VPS13A: variants seen among roughly 807,000 people sequenced by gnomAD.
VPS13A encodes the protein vacuolar protein sorting 13 homolog A.
A neutral mutation model predicts 390.9 loss-of-function variants in VPS13A; 264 were observed. That is an observed-to-expected ratio of 0.68 (90% confidence interval 0.61 to 0.75). VPS13A has a LOEUF of 0.75. VPS13A is among the 30% of genes least tolerant of loss of function. The pLI is 0.00. For synonymous variants in VPS13A, 1,231 were observed against 1,227.1 expected (o/e 1.00, Z -0.07); for missense variants, 3,409 against 3,733.9 (o/e 0.91, Z 2.27).
intron 34 of VPS13A, among the ~76,000 whole-genome samples, chr9:77,307,041 G>T (rs1021795553): frequency 6.6e-6 from 1 of 151,788 alleles, no homozygotes; most frequent in African/African-American, 2.4e-5. Flanking sequence ...TGAGTAGCTG[G>T]GATTACAGGT....
chr9:77,373,327 C>T (rs1436181816), intron 67 of VPS13A, among the ~76,000 whole-genome samples: 21 of 146,162 alleles, frequency 1.4e-4, no homozygotes, highest in East Asian at 1.0e-3. Context: ...TCAGAAATAA[C>T]GCCGCATATC....
Position 77,295,623 on chromosome 9 carries a change from G to A in VPS13A, c.3589G>A (p.Val1197Ile). The A allele has an allele frequency of 1.9e-6, 3 of 1,614,028 alleles. No individual in the cohort carries two copies. Among genetic ancestry groups the A allele is most frequent in the South Asian group, 2.2e-5 (2 of 91,076 alleles). Residue 1197 changes from valine (V) to isoleucine (I), a missense_variant, in exon 33 of 72, where the codon GTA becomes ATA. By Grantham distance (29) the Val-to-Ile change is conservative. Around this residue, in one of 5 missense-constraint regions of VPS13A, gnomAD observed 2,717 missense variants for 2,917.4 expected, o/e 0.93. Coordinates refer to ENST00000360280, the MANE Select transcript of VPS13A (RefSeq NM_033305.3). ...GGCAGCTGGAATGGCTGCTACTGGT[G>A]TAAAAGAACTCGCACAAAGGAGTTC... is the stretch of plus-strand genomic sequence containing the variant. ...VQAAGMAATGVKELAQRSSRM... is the reference protein window; with the variant it reads ...VQAAGMAATGIKELAQRSSRM...
intron 62 of VPS13A, 145 bp from the exon 63 acceptor site, chr9:77,369,154 G>T (rs1188787844): frequency 8.9e-6 from 6 of 673,394 alleles, no homozygotes; most frequent in Non-Finnish European, 1.6e-5. Flanking sequence ...AAAAAGAGTA[G>T]TGATTAATAA....
chr9:77,276,250 AAATT>A, intron 26 of VPS13A, 29 bp downstream of exon 26: 1 of 1,529,548 alleles, frequency 6.5e-7, no homozygotes, highest in Non-Finnish European at 8.8e-7. Flanking sequence ...TAAAATAAAT[AAATT>A]AATTTCATTG....
chr9:77,332,799 A>G (rs939408164), intron 46 of VPS13A, among the ~76,000 whole-genome samples: 1 of 152,194 alleles, frequency 6.6e-6, no homozygotes. Flanking sequence ...GTTTGTTTAA[A>G]TACCATTTTA....
intron 1 of VPS13A, among the ~76,000 whole-genome samples, chr9:77,192,661 T>C (rs1564619761): frequency 6.6e-6 from 1 of 152,202 alleles, no homozygotes; most frequent in African/African-American, 2.4e-5. Context: ...GATGCTGAAT[T>C]AGGCCCCCAA....
At chr9:77,277,971 C>T (rs1427144302) in intron 26 of VPS13A, among the ~76,000 whole-genome samples, 2 of 152,160 alleles carry the variant, frequency 1.3e-5, no homozygotes, top group Non-Finnish European at 2.9e-5. Flanking sequence ...AAACAGTTTG[C>T]TCTAGTAATT....
At chr9:77,262,134 A>G (rs2131298579) in intron 23 of VPS13A, among the ~76,000 whole-genome samples, 1 of 152,208 alleles carries the variant, frequency 6.6e-6, no homozygotes, top group Non-Finnish European at 1.5e-5. Flanking sequence ...CCTGCTTGTC[A>G]TTTAAAATTA....
chr9:77,407,523 C>T lies in VPS13A; in HGVS notation c.9400-10C>T. ...TATCTTTTTAATGAATTTACATATTCTGTTTATAGGAACGAGTGAAGTCTG... is the reference window on the plus strand; with the variant it reads ...TATCTTTTTAATGAATTTACATATTTTGTTTATAGGAACGAGTGAAGTCTG... On this transcript the variant is annotated splice_polypyrimidine_tract_variant and intron_variant, in intron 70 of 71. Coordinates refer to ENST00000360280, the MANE Select transcript of VPS13A (RefSeq NM_033305.3). The T allele has an allele frequency of 6.2e-7, 1 of 1,605,692 alleles. No homozygotes were observed.
intron 68 of VPS13A, among the ~76,000 whole-genome samples, chr9:77,394,266 C>G (rs1218513490): frequency 1.4e-4 from 22 of 151,780 alleles, no homozygotes; most frequent in Admixed American, 1.4e-3. Context: ...GGGGTTTCAC[C>G]ATGTTGCCCA....
Position 77,247,282 on chromosome 9 carries a change from CAG to C in VPS13A, c.1926_1927del (p.Lys643SerfsTer3). On this transcript the variant is annotated frameshift_variant, in exon 20 of 72. Coordinates refer to ENST00000360280, the MANE Select transcript of VPS13A (RefSeq NM_033305.3). LOFTEE classifies it high-confidence loss of function. ...AGGTCTACTGTATATTATTGAAACACAGAAAGTTCTTGATCTCAAAATTAATT... is the reference window on the plus strand; with the variant it reads ...AGGTCTACTGTATATTATTGAAACACAAAGTTCTTGATCTCAAAATTAATT... ...ATGLLYIIETQKVLDLKINLK... is the reference protein window; with the variant it reads ...ATGLLYIIETXKVLDLKINLK... The C allele has an allele frequency of 6.2e-7, 1 of 1,601,076 alleles. No individual in the cohort carries two copies. Among genetic ancestry groups the C allele is most frequent in the Non-Finnish European group, 8.5e-7 (1 of 1,172,318 alleles).
Position 77,370,237 on chromosome 9 carries a change from T to G in VPS13A, c.8668-20T>G. 1 of 1,613,602 alleles carries G rather than the reference T, an allele frequency of 6.2e-7. No individual in the cohort carries two copies. The highest frequency in any genetic ancestry group is 8.5e-7 in the Non-Finnish European group (1 of 1,179,562). On this transcript the variant is annotated intron_variant, in intron 63 of 71. Coordinates refer to ENST00000360280, the MANE Select transcript of VPS13A (RefSeq NM_033305.3). ...TGAATATAACTCACTCACTCATTTATTTACTATTTGGCCCTTTAGGGAGCC... is the reference window on the plus strand; with the variant it reads ...TGAATATAACTCACTCACTCATTTAGTTACTATTTGGCCCTTTAGGGAGCC...
chr9:77,358,118 C>T (rs1446589245), intron 56 of VPS13A, among the ~76,000 whole-genome samples: 1 of 151,382 alleles, frequency 6.6e-6, no homozygotes, highest in Non-Finnish European at 1.5e-5. Context: ...ACCATGGCCA[C>T]CTAATTTTTG....
intron 67 of VPS13A, among the ~76,000 whole-genome samples, chr9:77,376,583 T>G (rs1344254798): frequency 6.6e-6 from 1 of 152,160 alleles, no homozygotes; most frequent in Non-Finnish European, 1.5e-5. Flanking sequence ...ATTCTAAAGT[T>G]TTTATGTGTA....
intron 33 of VPS13A, among the ~76,000 whole-genome samples, chr9:77,297,137 A>G (rs1031556608): frequency 6.7e-6 from 1 of 150,200 alleles, no homozygotes; most frequent in African/African-American, 2.5e-5. Context: ...AATATTTATT[A>G]TTCTGCTTAC....
chr9:77,257,323 C>T (rs1825504646), intron 22 of VPS13A, among the ~76,000 whole-genome samples: 1 of 152,138 alleles, frequency 6.6e-6, no homozygotes, highest in Non-Finnish European at 1.5e-5. Context: ...CAGCATTGAA[C>T]TCCTGTGCTC....
intron 46 of VPS13A, among the ~76,000 whole-genome samples, 195 bp from the exon 47 acceptor site, chr9:77,337,060 G>T (rs948314646): frequency 1.2e-4 from 18 of 151,982 alleles, no homozygotes; most frequent in South Asian, 6.2e-4. Context: ...GCCTCCCAAA[G>T]TGCTGGGATT....
Position 77,323,003 on chromosome 9 carries a change from CAT to C in VPS13A, c.5831-61_5831-60del, listed in dbSNP as rs1474302381. ...ATCATCTGAAATTTCTAATATGTAA[CAT>C]ATGTAAAATTAATATGTAATGAATT... On this transcript the variant is annotated intron_variant, in intron 44 of 71. Coordinates refer to ENST00000360280, the MANE Select transcript of VPS13A (RefSeq NM_033305.3). The C allele has an allele frequency of 3.9e-5, 49 of 1,265,784 alleles. No homozygotes were observed. In the Admixed American group the frequency reaches 6.3e-4, roughly 16 times the overall value. The allele number at this position is 1,265,784 out of a possible 1,614,324, so 78.4% of individuals were successfully genotyped here. A position where few individuals can be genotyped will look rare whatever the true frequency, so the allele number is the denominator to read the frequency against.
intron 13 of VPS13A, among the ~76,000 whole-genome samples, chr9:77,225,240 C>T (rs1470887250): frequency 1.3e-5 from 2 of 152,078 alleles, no homozygotes; most frequent in Admixed American, 1.3e-4. Context: ...AGGCTGTACA[C>T]ATAATATGAA....
Sources: allele counts gnomAD v4.1 joint callset (sites outside exome capture counted in the v4.1 genomes callset), GRCh38; gene constraint gnomAD v4.1.1; regional missense constraint gnomAD v4.1.1; transcripts MANE v1.5; gene names NCBI Gene and HGNC (gene_info 2026-07-23, HGNC 2026-07-21).